Variants in DPP10 observed in about 807,000 individuals in gnomAD.
The protein encoded by DPP10 is dipeptidyl peptidase like 10, also known as inactive dipeptidyl peptidase 10.
A neutral mutation model predicts 120.9 loss-of-function variants in DPP10; 33 were observed. The observed-to-expected ratio is 0.27, with a 90% CI of 0.21 to 0.37. The LOEUF (loss-of-function observed/expected upper bound fraction) is 0.37. DPP10 is among the 10% of genes least tolerant of loss of function. The probability of loss-of-function intolerance (pLI) is 1.00; values close to 1 mark genes in which losing one functional copy is unlikely to be tolerated. For synonymous variants in DPP10, 337 were observed against 326.1 expected, an observed-to-expected ratio of 1.03 and a Z score of -0.36; for missense variants, 816 against 942.8, an observed-to-expected ratio of 0.87 and a Z score of 1.76.
chr2:114,933,251 G>T (rs1447286175), intron 1 of DPP10, among the ~76,000 whole-genome samples: 2 of 152,138 alleles, frequency 1.3e-5, no homozygotes, highest in Non-Finnish European at 2.9e-5. Context: ...GTAGGATTTT[G>T]ACCACTTGCC....
chr2:115,373,749 G>A (rs1019711318), intron 3 of DPP10, among the ~76,000 whole-genome samples: 1 of 151,834 alleles, frequency 6.6e-6, no homozygotes, highest in African/African-American at 2.4e-5. Flanking sequence ...AGACTGGGTA[G>A]TTCAGGAAGA....
intron 1 of DPP10, among the ~76,000 whole-genome samples, chr2:115,237,511 G>C (rs1490085367): frequency 1.3e-5 from 2 of 152,122 alleles, no homozygotes; most frequent in African/African-American, 2.4e-5. Context: ...GTTAAAGGAA[G>C]AGTCACACAT....
At chr2:114,952,325 A>G (rs1195972281) in intron 1 of DPP10, among the ~76,000 whole-genome samples, 1 of 152,192 alleles carries the variant, frequency 6.6e-6, no homozygotes, top group Non-Finnish European at 1.5e-5. Context: ...ACCTTCTTAT[A>G]TTCAACAATG....
intron 1 of DPP10, among the ~76,000 whole-genome samples, chr2:115,237,402 C>T (rs2058057445): frequency 6.6e-6 from 1 of 151,988 alleles, no homozygotes; most frequent in Admixed American, 6.6e-5. Context: ...AGCTGTTGCC[C>T]CATCTATCTC....
At chr2:115,042,596 A>G (rs1704740935) in intron 1 of DPP10, among the ~76,000 whole-genome samples, 1 of 152,166 alleles carries the variant, frequency 6.6e-6, no homozygotes, top group Non-Finnish European at 1.5e-5. Flanking sequence ...ACTCTTGGCT[A>G]TTGATGCACG....
chr2:115,078,926 G>A (rs1708015965), intron 1 of DPP10, among the ~76,000 whole-genome samples: 2 of 152,032 alleles, frequency 1.3e-5, no homozygotes, highest in Admixed American at 1.3e-4. Flanking sequence ...ATATTTATAG[G>A]TTCTTGATTA....
At chr2:115,482,974 A>G (rs894721388) in intron 3 of DPP10, among the ~76,000 whole-genome samples, 4 of 152,128 alleles carry the variant, frequency 2.6e-5, no homozygotes, top group Non-Finnish European at 5.9e-5. Context: ...AATGAGATAC[A>G]TAAATACCAA....
intron 1 of DPP10, among the ~76,000 whole-genome samples, chr2:115,086,221 G>C (rs1708680763): frequency 6.6e-6 from 1 of 152,090 alleles, no homozygotes; most frequent in Admixed American, 6.5e-5. Flanking sequence ...GGAAACATTT[G>C]TCATCTATTG....
At chr2:115,839,670 T>C (rs1689884989) in intron 24 of DPP10, among the ~76,000 whole-genome samples, 1 of 97,568 alleles carries the variant, frequency 1.0e-5, no homozygotes. Context: ...CAAGACTCCA[T>C]CTCAAAAAAA....
intron 1 of DPP10, chr2:114,461,766 T>G (rs1573398088): frequency 1.0e-6 from 1 of 985,392 alleles, no homozygotes; most frequent in Non-Finnish European, 1.2e-6. Context: ...AGTGCTGCCA[T>G]CCGTAAATTG....
At chr2:114,942,351 AT>A (rs1697007446) in intron 1 of DPP10, among the ~76,000 whole-genome samples, 1 of 70,434 alleles carries the variant, frequency 1.4e-5, no homozygotes. Context: ...GTATATATAC[AT>A]ATATATATAC....
intron 13 of DPP10, among the ~76,000 whole-genome samples, chr2:115,770,670 C>T (rs1354756387): frequency 6.6e-6 from 1 of 152,028 alleles, no homozygotes; most frequent in Non-Finnish European, 1.5e-5. Flanking sequence ...CACCTTGCCT[C>T]AATTTAAAAA....
At chr2:115,590,364 G>A (rs1396837448) in intron 5 of DPP10, among the ~76,000 whole-genome samples, 1 of 151,930 alleles carries the variant, frequency 6.6e-6, no homozygotes, top group Non-Finnish European at 1.5e-5. Flanking sequence ...TCCCCACCCT[G>A]TGTCCAAGTG....
chr2:115,403,939 T>A (rs1354502030), intron 3 of DPP10, among the ~76,000 whole-genome samples: 2 of 152,220 alleles, frequency 1.3e-5, no homozygotes, highest in African/African-American at 4.8e-5. Context: ...GTAGCTTTTC[T>A]ATATTGCAAT....
At chr2:115,064,677 A>G in intron 1 of DPP10, 1 of 1,296,150 alleles carries the variant, frequency 7.7e-7, no homozygotes, top group Non-Finnish European at 1.0e-6. Flanking sequence ...TGAGTGAGTG[A>G]CATGCAAGGA....
intron 1 of DPP10, among the ~76,000 whole-genome samples, chr2:114,711,529 A>G (rs746578425): frequency 6.6e-6 from 1 of 152,160 alleles, no homozygotes; most frequent in Non-Finnish European, 1.5e-5. Flanking sequence ...TGGGATGATA[A>G]TAGAATGTAC....
intron 3 of DPP10, among the ~76,000 whole-genome samples, chr2:115,399,908 A>T (rs2067945006): frequency 6.6e-6 from 1 of 152,102 alleles, no homozygotes; most frequent in South Asian, 2.1e-4. Flanking sequence ...AAAAGGTTTA[A>T]TTGGCTCATG....
chr2:114,682,224 T>C (rs1022778692), intron 1 of DPP10, among the ~76,000 whole-genome samples: 7 of 152,072 alleles, frequency 4.6e-5, no homozygotes, highest in Admixed American at 4.6e-4. Flanking sequence ...CCTTCAGAAC[T>C]GTTTTTCTGT....
At chr2:115,199,703 G>A (rs1344916092) in intron 1 of DPP10, among the ~76,000 whole-genome samples, 2 of 152,052 alleles carry the variant, frequency 1.3e-5, no homozygotes, top group Non-Finnish European at 2.9e-5. Context: ...TTTGTTTATA[G>A]CATGTATCAA....
Sources: gnomAD v4.1 joint callset for allele counts (sites outside exome capture counted in the v4.1 genomes callset) on GRCh38, gnomAD v4.1.1 for gene constraint, MANE v1.5 for transcripts, NCBI Gene and HGNC (gene_info 2026-07-23, HGNC 2026-07-21) for gene names.